OXCT1: variants seen among roughly 807,000 people sequenced by gnomAD.
The protein encoded by OXCT1 is 3-oxoacid CoA-transferase 1.
In OXCT1, 27 loss-of-function variants were observed where a neutral mutation model predicts 69.6. That is an observed-to-expected ratio of 0.39 (90% CI 0.29 to 0.54). The LOEUF is 0.54. Among genes scored for constraint, OXCT1 ranks in the 20% least tolerant of loss-of-function variants. OXCT1 has a pLI of 0.72. For synonymous variants in OXCT1, 202 were observed against 217.8 expected (o/e 0.93, Z 0.64); for missense variants, 437 against 650.2 (o/e 0.67, Z 3.57).
chr5:41,773,884 C>T (rs1312256417), intron 13 of OXCT1, among the ~76,000 whole-genome samples: 2 of 151,986 alleles, frequency 1.3e-5, no homozygotes, highest in African/African-American at 4.8e-5. Context: ...GTTTTAAAAT[C>T]CCTGTGAATA....
At chr5:41,810,492 G>A (rs897086493) in intron 7 of OXCT1, among the ~76,000 whole-genome samples, 6 of 151,988 alleles carry the variant, frequency 3.9e-5, no homozygotes, top group African/African-American at 1.4e-4. Flanking sequence ...TAGTTCTCAT[G>A]CCCCACCACT....
chr5:41,853,009 T>G (rs1212892494), intron 4 of OXCT1, among the ~76,000 whole-genome samples: 1 of 151,382 alleles, frequency 6.6e-6, no homozygotes, highest in African/African-American at 2.4e-5. Context: ...AGGTGGAGTT[T>G]GCAGTGAGCC....
intron 10 of OXCT1, among the ~76,000 whole-genome samples, chr5:41,802,301 A>C (rs942001387): frequency 6.6e-6 from 1 of 152,118 alleles, no homozygotes; most frequent in African/African-American, 2.4e-5. Flanking sequence ...TTGCATTAAC[A>C]GTTATTATCT....
At chr5:41,815,511 T>A (rs897635079) in intron 7 of OXCT1, among the ~76,000 whole-genome samples, 10 of 152,090 alleles carry the variant, frequency 6.6e-5, no homozygotes, top group East Asian at 3.9e-4. Flanking sequence ...GAAATGCCAA[T>A]CTTCTCTTTA....
chr5:41,823,285 C>G (rs367944538), intron 7 of OXCT1, among the ~76,000 whole-genome samples: 3 of 152,280 alleles, frequency 2.0e-5, no homozygotes, highest in African/African-American at 4.8e-5. Context: ...CTTTTCCCCC[C>G]TCCCCTTGCC....
intron 13 of OXCT1, among the ~76,000 whole-genome samples, chr5:41,765,195 G>T (rs1378970362): frequency 6.6e-6 from 1 of 152,192 alleles, no homozygotes; most frequent in Non-Finnish European, 1.5e-5. Context: ...GCATCTCCCA[G>T]ATCTCTATTC....
intron 7 of OXCT1, among the ~76,000 whole-genome samples, chr5:41,812,320 AG>A (rs1338399573): frequency 6.6e-6 from 1 of 152,048 alleles, no homozygotes. Flanking sequence ...TCAAGAGGTC[AG>A]AAACTCAAAA....
chr5:41,778,364 T>C (rs1745227014), intron 13 of OXCT1, among the ~76,000 whole-genome samples: 1 of 152,164 alleles, frequency 6.6e-6, no homozygotes, highest in Non-Finnish European at 1.5e-5. Flanking sequence ...TTAAAATAAT[T>C]CCACTACACT....
chr5:41,828,154 C>T (rs1266178098), intron 7 of OXCT1, among the ~76,000 whole-genome samples: 1 of 152,156 alleles, frequency 6.6e-6, no homozygotes, highest in Non-Finnish European at 1.5e-5. Context: ...GTTGCCTAGG[C>T]TGGAGTGCAC....
At chr5:41,828,907 G>A (rs1038631983) in intron 7 of OXCT1, among the ~76,000 whole-genome samples, 3 of 152,032 alleles carry the variant, frequency 2.0e-5, no homozygotes, top group African/African-American at 7.3e-5. Context: ...TTTAAAAAAT[G>A]GTCTTTTCAA....
chr5:41,768,918 T>A (rs1178331058), intron 13 of OXCT1, among the ~76,000 whole-genome samples: 1 of 152,140 alleles, frequency 6.6e-6, no homozygotes, highest in African/African-American at 2.4e-5. Flanking sequence ...CCCTCTTCAT[T>A]TCCTCACACC....
chr5:41,763,408 T>G (rs748305250), intron 13 of OXCT1, among the ~76,000 whole-genome samples: 1 of 152,128 alleles, frequency 6.6e-6, no homozygotes, highest in Admixed American at 6.6e-5. Flanking sequence ...AATGTGGAAA[T>G]GCATACTTTT....
At chr5:41,839,779 A>G (rs1015832546) in intron 7 of OXCT1, among the ~76,000 whole-genome samples, 2 of 152,198 alleles carry the variant, frequency 1.3e-5, no homozygotes, top group Non-Finnish European at 2.9e-5. Flanking sequence ...AGCCCTCCCA[A>G]GGAAAAACTA....
chr5:41,849,947 T>C, intron 5 of OXCT1, 83 bp downstream of exon 5: 1 of 1,372,788 alleles, frequency 7.3e-7, no homozygotes, highest in South Asian at 1.2e-5. Flanking sequence ...GAGGTGATTT[T>C]ATACTTATTT....
chr5:41,833,830 G>GT (rs1194804789), intron 7 of OXCT1, among the ~76,000 whole-genome samples: 1 of 152,124 alleles, frequency 6.6e-6, no homozygotes, highest in Non-Finnish European at 1.5e-5. Flanking sequence ...GGAGGCCGAG[G>GT]TGGGTAGATC....
intron 7 of OXCT1, among the ~76,000 whole-genome samples, chr5:41,828,690 T>A (rs1440114194): frequency 6.6e-6 from 1 of 152,180 alleles, no homozygotes; most frequent in Non-Finnish European, 1.5e-5. Flanking sequence ...CTATACAAAT[T>A]CACATTATTC....
At chr5:41,836,908 T>A (rs1748391177) in intron 7 of OXCT1, among the ~76,000 whole-genome samples, 1 of 152,188 alleles carries the variant, frequency 6.6e-6, no homozygotes, top group Non-Finnish European at 1.5e-5. Flanking sequence ...TGTTTCCCTT[T>A]TGCAGAGTCT....
At chr5:41,820,933 C>G (rs867495858) in intron 7 of OXCT1, among the ~76,000 whole-genome samples, 1 of 152,172 alleles carries the variant, frequency 6.6e-6, no homozygotes, top group South Asian at 2.1e-4. Flanking sequence ...GATCCCACAG[C>G]AATTACTATC....
chr5:41,768,729 C>T (rs1335177243), intron 13 of OXCT1, among the ~76,000 whole-genome samples: 1 of 152,172 alleles, frequency 6.6e-6, no homozygotes, highest in Admixed American at 6.5e-5. Context: ...TAGTAGTCTC[C>T]TTACTGGTCA....
Sources: gnomAD v4.1 joint callset for allele counts (sites outside exome capture counted in the v4.1 genomes callset) on GRCh38, gnomAD v4.1.1 for gene constraint, MANE v1.5 for transcripts, NCBI Gene and HGNC (gene_info 2026-07-23, HGNC 2026-07-21) for gene names.